Variants in KDSR observed in about 807,000 individuals in gnomAD.
The protein encoded by KDSR is 3-dehydrosphinganine reductase.
KDSR carries 23 observed loss-of-function variants against 41.3 expected under a neutral mutation model. That is an observed-to-expected ratio of 0.56 (90% CI 0.40 to 0.79). The LOEUF (loss-of-function observed/expected upper bound fraction) is 0.79. Ranked by LOEUF, KDSR falls within the 30% of genes least tolerant of loss-of-function variation. The pLI is 0.00. For missense variants in KDSR, 351 were observed against 416.8 expected, an observed-to-expected ratio of 0.84 and a Z score of 1.37; for synonymous variants, 138 against 151.7, an observed-to-expected ratio of 0.91 and a Z score of 0.66.
intron 2 of KDSR, among the ~76,000 whole-genome samples, 178 bp downstream of exon 2, chr18:63,362,601 G>A (rs1283033643): frequency 6.6e-6 from 1 of 152,206 alleles, no homozygotes; most frequent in Non-Finnish European, 1.5e-5. Flanking sequence ...GGGCCGACCT[G>A]ATTTCAACAG....
intron 9 of KDSR, among the ~76,000 whole-genome samples, chr18:63,332,684 T>A (rs920882507): frequency 6.6e-6 from 1 of 151,980 alleles, no homozygotes; most frequent in African/African-American, 2.4e-5. Flanking sequence ...ACAAAAAAAT[T>A]ATCCGCGTGT....
Position 63,359,716 on chromosome 18 carries a change from T to C in KDSR, c.255+20A>G. 1 of 1,532,798 alleles carries C rather than the reference T, an allele frequency of 6.5e-7. No individual in the cohort carries two copies. Among genetic ancestry groups the C allele is most frequent in the Non-Finnish European group, 9.0e-7 (1 of 1,108,090 alleles). The allele number at this position is 1,532,798 out of a possible 1,614,324, so 94.9% of individuals were successfully genotyped here. ...TGTGCTGAGTTATACAGAAAATGCA[T>C]TCTGAAGACAGAGATTTACCTGTTT... On this transcript the variant is annotated intron_variant, in intron 3 of 9. Transcript: ENST00000645214.
Position 63,331,182 on chromosome 18 carries a change from T to G in KDSR, c.*600A>C, listed in dbSNP as rs923266299. The G allele has an allele frequency of 8.6e-6, 2 of 233,034 alleles. No individual in the cohort carries two copies. The highest frequency in any genetic ancestry group is 1.7e-5 in the Non-Finnish European group (2 of 118,104). 14.4% of individuals were successfully genotyped at this position (233,034 alleles called of 1,614,324 possible). On this transcript the variant is annotated 3_prime_UTR_variant, in exon 10 of 10. Coordinates refer to ENST00000645214, the MANE Select transcript of KDSR (RefSeq NM_002035.4). ...TTTCCACCAGCAGCAGAGTGAGTCCTGAGCACAACACAGGGCTGTCAGTGA... is the reference window on the plus strand; with the variant it reads ...TTTCCACCAGCAGCAGAGTGAGTCCGGAGCACAACACAGGGCTGTCAGTGA...
chr18:63,361,000 A>ATATATAT (rs1440602336), intron 2 of KDSR, among the ~76,000 whole-genome samples: 1 of 22,032 alleles, frequency 4.5e-5, no homozygotes, highest in Admixed American at 5.0e-4. Context: ...ACTAAAAAAA[A>ATATATAT]AATATATATA....
At chr18:63,351,441 A>G (rs1440067528) in intron 5 of KDSR, among the ~76,000 whole-genome samples, 1 of 152,230 alleles carries the variant, frequency 6.6e-6, no homozygotes, top group Non-Finnish European at 1.5e-5. Flanking sequence ...AAGAGGTTCC[A>G]AGTATTTGTA....
chr18:63,353,378 G>A (rs1260474054), intron 5 of KDSR, among the ~76,000 whole-genome samples: 1 of 152,144 alleles, frequency 6.6e-6, no homozygotes, highest in Non-Finnish European at 1.5e-5. Flanking sequence ...AACAGGTTGA[G>A]GAGGGATAAC....
chr18:63,331,350 G>A lies in KDSR; in HGVS notation c.*432C>T, dbSNP rs555015812. ...ACAGAGAGAGAGAGAGAGAGAACCC[G>A]AGAAACCGAAAATTGTTTTTTTATG... is the stretch of plus-strand genomic sequence containing the variant. On this transcript the variant is annotated 3_prime_UTR_variant, in exon 10 of 10. Coordinates refer to ENST00000645214, the MANE Select transcript of KDSR (RefSeq NM_002035.4). 3.4e-5 allele frequency: 8 copies of A among 232,864 alleles called. No homozygotes were observed. In the East Asian group the frequency reaches 4.2e-4, roughly 12 times the overall value. 14.4% of individuals were successfully genotyped at this position (232,864 alleles called of 1,614,324 possible). A position where few individuals can be genotyped will look rare whatever the true frequency, so the allele number is the denominator to read the frequency against.
chr18:63,337,094 T>TATATATATATATATATA (rs1568275938), intron 8 of KDSR, among the ~76,000 whole-genome samples: 1 of 38,702 alleles, frequency 2.6e-5, no homozygotes, highest in Non-Finnish European at 6.6e-5. Context: ...ATATGTGACT[T>TATATATATATATATATA]TATATATATA....
rs567693670 is a variant in KDSR, at chr18:63,359,881, A to C, written c.199-89T>G. ...GGAGAGAAAAAAAGCAATTATTTCT[A>C]TATGTATGTATTAAATTCCAGAAAA... On this transcript the variant is annotated intron_variant, in intron 2 of 9. Coordinates refer to ENST00000645214, the MANE Select transcript of KDSR (RefSeq NM_002035.4). The C allele has an allele frequency of 1.1e-5, 9 of 852,976 alleles. No individual in the cohort carries two copies. In the East Asian group the frequency reaches 2.2e-4, roughly 21 times the overall value. 52.8% of individuals were successfully genotyped at this position (852,976 alleles called of 1,614,324 possible).
intron 3 of KDSR, among the ~76,000 whole-genome samples, chr18:63,356,616 C>T (rs1914802483): frequency 6.6e-6 from 1 of 152,162 alleles, no homozygotes. Context: ...GCCCTATCTC[C>T]CTTCCTTGAT....
Position 63,327,955 on chromosome 18 carries a change from CCA to C in KDSR, c.*3825_*3826del, listed in dbSNP as rs1913855045. ...CTATCTCCCCTTCAAAATTGCAAAT[CCA>C]CAGTTACTGCACTGAAGTATAATCC... On this transcript the variant is annotated 3_prime_UTR_variant, in exon 10 of 10. Coordinates refer to ENST00000645214, the MANE Select transcript of KDSR (RefSeq NM_002035.4). The C allele has an allele frequency of 4.9e-6, 1 of 203,488 alleles. No individual in the cohort carries two copies. Among genetic ancestry groups the C allele is most frequent in the South Asian group, 1.9e-4 (1 of 5,266 alleles). The allele number at this position is 203,488 out of a possible 1,614,324, so 12.6% of individuals were successfully genotyped here. A position where few individuals can be genotyped will look rare whatever the true frequency, so the allele number is the denominator to read the frequency against.
chr18:63,341,515 C>T (rs928631510), intron 7 of KDSR, among the ~76,000 whole-genome samples: 2 of 150,602 alleles, frequency 1.3e-5, no homozygotes, highest in African/African-American at 2.4e-5. Flanking sequence ...ATTAGAGGAT[C>T]AGTCCAGAAA....
rs565999114 is a variant in KDSR at position 63,353,130 on chromosome 18, G to A, written c.418-2051C>T. 4.4e-4 allele frequency among the ~76,000 whole-genome samples: 67 copies of A among 151,866 alleles called. 1 individual carries two copies. Among genetic ancestry groups the A allele is most frequent in the Middle Eastern group, 6.8e-3 (2 of 294 alleles). ...TGGGAAGTGGAGGCTGCAGTGACCC[G>A]AGATTGAGCCACTGCACTCCAGCCT... On this transcript the variant is annotated intron_variant, in intron 5 of 9. Coordinates refer to ENST00000645214, the MANE Select transcript of KDSR (RefSeq NM_002035.4).
At chr18:63,362,718 C>A (rs1264221271) in intron 2 of KDSR, 61 bp downstream of exon 2, 1 of 1,126,572 alleles carries the variant, frequency 8.9e-7, no homozygotes, top group East Asian at 2.4e-5. Flanking sequence ...TTTAGCACAG[C>A]CTCTTTGACT....
chr18:63,360,672 C>G (rs983156859), intron 2 of KDSR, among the ~76,000 whole-genome samples: 1 of 152,024 alleles, frequency 6.6e-6, no homozygotes, highest in African/African-American at 2.4e-5. Flanking sequence ...CACCCAAGCT[C>G]AGGAGTTTGA....
rs1249662500 is a variant in KDSR at position 63,355,103 on chromosome 18, C to T, written c.417+101G>A. 6.6e-6 allele frequency: 5 copies of T among 759,756 alleles called. No homozygotes were observed. In the East Asian group the frequency reaches 7.5e-5, roughly 11 times the overall value. The allele number at this position is 759,756 out of a possible 1,614,324, so 47.1% of individuals were successfully genotyped here. A position where few individuals can be genotyped will look rare whatever the true frequency, so the allele number is the denominator to read the frequency against. On this transcript the variant is annotated intron_variant, in intron 5 of 9. Transcript: ENST00000645214. ...TAGAGTCTTCTAAAGCTTCCATGGA[C>T]ATCTGAATGCATTCATCTAATTGAT...
chr18:63,333,724 C>T (rs1914079843), intron 9 of KDSR, among the ~76,000 whole-genome samples: 1 of 152,204 alleles, frequency 6.6e-6, no homozygotes, highest in Non-Finnish European at 1.5e-5. Flanking sequence ...AACACACACA[C>T]TCACACCAGA....
intron 1 of KDSR, 108 bp from the exon 2 acceptor site, chr18:63,362,976 A>C: frequency 2.9e-6 from 2 of 697,256 alleles, no homozygotes; most frequent in Non-Finnish European, 5.0e-6. Flanking sequence ...ACAAGAACTA[A>C]ATGATTAGCT....
rs1568073272 is a variant in KDSR at position 63,362,810 on chromosome 18, C to A, written c.167G>T (p.Gly56Val). 2.5e-6 allele frequency: 4 copies of A among 1,613,560 alleles called. No individual in the cohort carries two copies. The highest frequency in any genetic ancestry group is 3.4e-6 in the Non-Finnish European group (4 of 1,179,556). ...KCIAIECYKQ[G>V]AFITLVARNE... ...TCGTGCAACCAGAGTTATAAAAGCT[C>A]CTTGTTTATAGCACTCGATAGCAAT... Residue 56 changes from glycine to valine, a missense_variant, in exon 2 of 10, where the codon GGA (glycine) becomes GTA (valine). Coordinates refer to ENST00000645214, the MANE Select transcript of KDSR (RefSeq NM_002035.4).
Sources: gnomAD v4.1 joint callset for allele counts (sites outside exome capture counted in the v4.1 genomes callset) on GRCh38, gnomAD v4.1.1 for gene constraint, MANE v1.5 for transcripts, NCBI Gene and HGNC (gene_info 2026-07-23, HGNC 2026-07-21) for gene names.